Variants in MBTD1 observed in about 807,000 individuals in gnomAD.
MBTD1 encodes the protein mbt domain containing 1.
In MBTD1, 24 loss-of-function variants were observed where a neutral mutation model predicts 87.8. The ratio of observed to expected loss-of-function variants is 0.27; its 90% CI spans 0.20 to 0.38. The LOEUF is 0.38. MBTD1 is among the 10% of genes least tolerant of loss of function. The probability of loss-of-function intolerance (pLI) is 1.00; values close to 1 mark genes in which losing one functional copy is unlikely to be tolerated. For synonymous variants in MBTD1, 237 were observed against 248.6 expected, an observed-to-expected ratio of 0.95 and a Z score of 0.44; for missense variants, 436 against 760.2, an observed-to-expected ratio of 0.57 and a Z score of 5.02.
intron 2 of MBTD1, among the ~76,000 whole-genome samples, chr17:51,243,435 T>C (rs918386404): frequency 1.3e-5 from 2 of 152,182 alleles, no homozygotes; most frequent in African/African-American, 2.4e-5. Context: ...TCTAAACACA[T>C]AGATTTTCTG....
chr17:51,234,400 C>CAAAAAAAAAAAA (rs71149356), intron 2 of MBTD1, among the ~76,000 whole-genome samples: 1 of 68,676 alleles, frequency 1.5e-5, no homozygotes, highest in Non-Finnish European at 2.7e-5. Flanking sequence ...TCCCCGTCTC[C>CAAAAAAAAAAAA]AAAAAAAAAA....
intron 2 of MBTD1, among the ~76,000 whole-genome samples, chr17:51,253,607 A>G (rs2054920673): frequency 6.6e-6 from 1 of 152,206 alleles, no homozygotes; most frequent in African/African-American, 2.4e-5. Context: ...AGACCTTAGG[A>G]GTAGCTAAAC....
At chr17:51,218,747 CAACTA>C in intron 5 of MBTD1, among the ~76,000 whole-genome samples, 178 bp downstream of exon 5, 2 of 152,166 alleles carry the variant, frequency 1.3e-5, no homozygotes, top group East Asian at 3.9e-4. Context: ...CTTATGCATG[CAACTA>C]TACTCTTCTA....
intron 2 of MBTD1, among the ~76,000 whole-genome samples, chr17:51,257,704 T>C (rs1261149030): frequency 6.6e-6 from 1 of 152,144 alleles, no homozygotes; most frequent in Non-Finnish European, 1.5e-5. Context: ...ATGTTTAAAG[T>C]AAGCAGGAAA....
At chr17:51,254,332 T>C (rs191316307) in intron 2 of MBTD1, among the ~76,000 whole-genome samples, 266 of 152,346 alleles carry the variant, frequency 1.7e-3, no homozygotes, top group Middle Eastern at 3.4e-3. Context: ...CTTTCTAAGC[T>C]TACTGTTACG....
In MBTD1 at chr17:51,210,757, A is replaced by AAAC. The variant is rs71149353; in HGVS notation, c.487-3755_487-3753dup. Reference sequence around the variant, plus strand: ...GGCAACAGAGCAAGACTCTGTCTCAAAACAACAACAACAACAACAACAACA... The same window carrying AAAC: ...GGCAACAGAGCAAGACTCTGTCTCAAAACAACAACAACAACAACAACAACAACA... On this transcript the variant is annotated intron_variant, in intron 6 of 16. Transcript: ENST00000586178. 8.2e-3 allele frequency among the ~76,000 whole-genome samples: 1,222 copies of AAAC among 149,688 alleles called. 7 individuals carry two copies. Among genetic ancestry groups the AAAC allele is most frequent in the East Asian group, 0.022 (108 of 4,946 alleles).
In MBTD1 at chr17:51,206,965, A is replaced by T; in HGVS notation, c.527T>A (p.Val176Glu). The T allele has an allele frequency of 6.2e-7, 1 of 1,613,616 alleles. No individual in the cohort carries two copies. The highest frequency in any genetic ancestry group is 2.2e-5 in the East Asian group (1 of 44,854). ...GTCWGDISEN[V>E]RVEVPNTDCS... Reference sequence around the variant, plus strand: ...GTCTGTATTGGGAACTTCTACTCTCACATTTTCTGAGATATCACCCCAGCA... The same window carrying T: ...GTCTGTATTGGGAACTTCTACTCTCTCATTTTCTGAGATATCACCCCAGCA... Residue 176 changes from valine to glutamate, a missense_variant, in exon 7 of 17, where the codon GTG (valine) becomes GAG (glutamate). By Grantham distance (121) the Val-to-Glu change is moderately radical (BLOSUM62 -2). Around this residue, in one of 5 missense-constraint regions of MBTD1, gnomAD observed 268 missense variants for 401.8 expected, o/e 0.67. Coordinates refer to ENST00000586178, the MANE Select transcript of MBTD1 (RefSeq NM_017643.3).
intron 2 of MBTD1, among the ~76,000 whole-genome samples, chr17:51,232,005 C>A (rs2053576836): frequency 6.6e-6 from 1 of 151,982 alleles, no homozygotes; most frequent in Admixed American, 6.6e-5. Flanking sequence ...AGACCAAAAC[C>A]CCTGAAAGGG....
intron 2 of MBTD1, among the ~76,000 whole-genome samples, chr17:51,255,769 A>G (rs2055053253): frequency 1.3e-5 from 2 of 150,632 alleles, no homozygotes; most frequent in East Asian, 3.9e-4. Flanking sequence ...AATTTTTGTA[A>G]TTTTTTTTTG....
At chr17:51,218,285 T>A (rs1028580778) in intron 5 of MBTD1, among the ~76,000 whole-genome samples, 3 of 152,062 alleles carry the variant, frequency 2.0e-5, no homozygotes, top group African/African-American at 7.2e-5. Context: ...TCCCAGCACT[T>A]TGGGAGGCTG....
chr17:51,201,509 C>T lies in MBTD1; in HGVS notation c.1224+83G>A, dbSNP rs182561660. On this transcript the variant is annotated intron_variant, in intron 12 of 16. Coordinates refer to ENST00000586178, the MANE Select transcript of MBTD1 (RefSeq NM_017643.3). ...TACACATACACATTTTATGTCAAAA[C>T]GAATATGCTTGGGGACTCCTTCTAT... is the stretch of plus-strand genomic sequence containing the variant. The T allele has an allele frequency of 5.7e-3, 4,537 of 789,656 alleles. 25 individuals carry two copies. Among genetic ancestry groups the T allele is most frequent in the Non-Finnish European group, 6.1e-3 (2,968 of 484,586 alleles). 48.9% of individuals were successfully genotyped at this position (789,656 alleles called of 1,614,324 possible).
chr17:51,205,591 G>A (rs921686713), intron 7 of MBTD1, among the ~76,000 whole-genome samples: 8 of 152,136 alleles, frequency 5.3e-5, no homozygotes, highest in African/African-American at 1.9e-4. Flanking sequence ...ACAGAGATGG[G>A]ACACTCTTGC....
rs56750454 is a variant in MBTD1, at chr17:51,179,484, TTATATATATATATATATATATATATATA to T, written c.*1064_*1091del. 138 of 35,316 alleles carry T rather than the reference TTATATATATATATATATATATATATATA, an allele frequency of 3.9e-3. 8 individuals are homozygous for T. The South Asian group carries it at 0.058, about 15-fold the overall frequency. 2.2% of individuals were successfully genotyped at this position (35,316 alleles called of 1,614,324 possible). ...ATCCTGAATACAATTAAAGACAATT[TTATATATATATATATATATATATATATA>T]TATATATATATATATATATATATAT... On this transcript the variant is annotated 3_prime_UTR_variant, in exon 17 of 17. Transcript: ENST00000586178.
chr17:51,222,155 G>C (rs2052939756), intron 3 of MBTD1, among the ~76,000 whole-genome samples: 1 of 152,152 alleles, frequency 6.6e-6, no homozygotes, highest in African/African-American at 2.4e-5. Flanking sequence ...AGTTCCATCA[G>C]GACAGGAAAC....
intron 6 of MBTD1, among the ~76,000 whole-genome samples, chr17:51,213,327 T>C (rs117770202): frequency 1.3e-5 from 2 of 152,176 alleles, no homozygotes; most frequent in Non-Finnish European, 2.9e-5. Context: ...CCACTGCTCT[T>C]GGCTAGAGTG....
rs60957699 is a variant in MBTD1 at position 51,179,484 on chromosome 17, T to TATATA, written c.*1091_*1092insTATAT. On this transcript the variant is annotated 3_prime_UTR_variant, in exon 17 of 17. Transcript: ENST00000586178. ...ATCCTGAATACAATTAAAGACAATT[T>TATATA]TATATATATATATATATATATATAT... 47 of 35,284 alleles carry TATATA rather than the reference T, an allele frequency of 1.3e-3. No homozygotes were observed. The highest frequency in any genetic ancestry group is 3.4e-3 in the African/African-American group (41 of 11,892). 2.2% of individuals were successfully genotyped at this position (35,284 alleles called of 1,614,324 possible). A position where few individuals can be genotyped will look rare whatever the true frequency, so the allele number is the denominator to read the frequency against.
chr17:51,217,520 C>A, intron 5 of MBTD1, 104 bp from the exon 6 acceptor site: 1 of 562,582 alleles, frequency 1.8e-6, no homozygotes, highest in South Asian at 2.8e-5. Flanking sequence ...TAATTTATCC[C>A]ATTTAAAGAA....
rs533382579 is a variant in MBTD1, at chr17:51,235,975, G to T, written c.-48-10766C>A. On this transcript the variant is annotated intron_variant, in intron 2 of 16. Coordinates refer to ENST00000586178, the MANE Select transcript of MBTD1 (RefSeq NM_017643.3). ...CAAAAAGATCAATGAAACAGAATAAGAGTCCATAAATAGACCTCTATCTAT... is the reference window on the plus strand; with the variant it reads ...CAAAAAGATCAATGAAACAGAATAATAGTCCATAAATAGACCTCTATCTAT... 2.1e-4 allele frequency among the ~76,000 whole-genome samples: 32 copies of T among 152,168 alleles called. 1 individual carries two copies. In the South Asian group the frequency reaches 6.6e-3, roughly 32 times the overall value.
At chr17:51,220,637 A>G (rs1172972628) in intron 3 of MBTD1, among the ~76,000 whole-genome samples, 174 bp from the exon 4 acceptor site, 2 of 152,222 alleles carry the variant, frequency 1.3e-5, no homozygotes, top group Non-Finnish European at 2.9e-5. Context: ...GAAGTCAGAG[A>G]GAACACTGGT....
Sources: allele counts gnomAD v4.1 joint callset (sites outside exome capture counted in the v4.1 genomes callset), GRCh38; gene constraint gnomAD v4.1.1; regional missense constraint gnomAD v4.1.1; transcripts MANE v1.5; gene names NCBI Gene and HGNC (gene_info 2026-07-23, HGNC 2026-07-21).